Variants in SLC25A28 observed in about 807,000 individuals in gnomAD.
SLC25A28 encodes solute carrier family 25 member 28, also known as mitoferrin-2.
A neutral mutation model predicts 31.9 loss-of-function variants in SLC25A28; 10 were observed. That is an observed-to-expected ratio of 0.31 (90% CI 0.19 to 0.53). The LOEUF (loss-of-function observed/expected upper bound fraction) is 0.53, where lower values mean the gene tolerates loss of function less well. SLC25A28 is among the 20% of genes least tolerant of loss of function. The pLI, the probability that SLC25A28 is intolerant of heterozygous loss-of-function variation, is 0.95. For missense variants in SLC25A28, 256 were observed against 490.3 expected (o/e 0.52, Z 4.51); for synonymous variants, 208 against 203.6 (o/e 1.02, Z -0.19).
At chr10:99,648,947 A>T in the SLC25A28 span, among the ~76,000 whole-genome samples, 2 of 151,974 alleles carry the variant, frequency 1.3e-5, no homozygotes, top group African/African-American at 4.8e-5. Flanking sequence ...GATGCCTTTT[A>T]TTTTTTTCTC....
the SLC25A28 span, among the ~76,000 whole-genome samples, chr10:99,646,097 A>C: frequency 6.6e-6 from 1 of 152,214 alleles, no homozygotes; most frequent in Non-Finnish European, 1.5e-5. Context: ...TCTGTCAGAC[A>C]GGGACGTTTA....
rs1401719707 is a variant in SLC25A28, at chr10:99,620,281, G to A, written c.55C>T (p.Pro19Ser). ...GCCGACTCCCCGGGGCTCCGCCCGG[G>A]CCCTGCCGCCGGCCCCCCCGCCACA... ...GGVAGGPAAG[P>S]GRSPGESALL... Residue 19 changes from proline (P) to serine (S), a missense_variant, in exon 1 of 4, where the codon CCC (proline) becomes TCC (serine). By Grantham distance (74) the Pro-to-Ser change is moderately conservative. Around this residue, in one of 4 missense-constraint regions of SLC25A28, gnomAD observed 47 missense variants for 41.4 expected, o/e 1.14. Coordinates refer to ENST00000370495, the MANE Select transcript of SLC25A28 (RefSeq NM_031212.4). 41 of 1,194,632 alleles carry A rather than the reference G, an allele frequency of 3.4e-5. No homozygotes were observed. The highest frequency in any genetic ancestry group is 4.1e-5 in the Non-Finnish European group (40 of 964,328). 74.0% of individuals were successfully genotyped at this position (1,194,632 alleles called of 1,614,324 possible).
At chr10:99,623,397 G>A (rs1369112634), upstream of SLC25A28, among the ~76,000 whole-genome samples, 1 of 152,164 alleles carries the variant, frequency 6.6e-6, no homozygotes, top group African/African-American at 2.4e-5. Context: ...CGTTTTCCAT[G>A]AAAGTCTTCA....
At chr10:99,629,357 G>A in the SLC25A28 span, among the ~76,000 whole-genome samples, 1,880 of 152,138 alleles carry the variant, frequency 0.012, 48 homozygotes, top group African/African-American at 0.043. Flanking sequence ...GCACAACTAT[G>A]AGCCAAAAAA....
the SLC25A28 span, among the ~76,000 whole-genome samples, chr10:99,645,751 C>T: frequency 1.4e-5 from 2 of 141,286 alleles, no homozygotes; most frequent in African/African-American, 4.9e-5. Flanking sequence ...TGTGGATGTC[C>T]TTTCTGTTTG....
At position 99,610,625 on chromosome 10, in the gene SLC25A28, A is replaced by G; in HGVS notation, c.*224T>C. On this transcript the variant is annotated 3_prime_UTR_variant, in exon 4 of 4. Transcript: ENST00000370495. Reference sequence around the variant, plus strand: ...GGCCCAGGATGGAGAGAGGTTATCAAAGGTGCTGTGGTGTGCTTTGCTGCA... The same window carrying G: ...GGCCCAGGATGGAGAGAGGTTATCAGAGGTGCTGTGGTGTGCTTTGCTGCA... 1 of 571,862 alleles carries G rather than the reference A, an allele frequency of 1.7e-6. No individual in the cohort carries two copies. The highest frequency in any genetic ancestry group is 4.7e-4 in the Middle Eastern group (1 of 2,124). The allele number at this position is 571,862 out of a possible 1,614,324, so 35.4% of individuals were successfully genotyped here. A position where few individuals can be genotyped will look rare whatever the true frequency, so the allele number is the denominator to read the frequency against.
chr10:99,634,482 A>G, the SLC25A28 span, among the ~76,000 whole-genome samples: 1 of 152,256 alleles, frequency 6.6e-6, no homozygotes, highest in South Asian at 2.1e-4. Context: ...GAACACACTT[A>G]TAGAAATGTA....
At chr10:99,623,076 C>G (rs2034824480), upstream of SLC25A28, among the ~76,000 whole-genome samples, 1 of 152,156 alleles carries the variant, frequency 6.6e-6, no homozygotes, top group Admixed American at 6.5e-5. Context: ...CAAGGAAGGC[C>G]TTTCTGAGGA....
chr10:99,626,795 T>A, the SLC25A28 span, among the ~76,000 whole-genome samples: 3 of 145,212 alleles, frequency 2.1e-5, no homozygotes, highest in Admixed American at 7.0e-5. Flanking sequence ...TTTTTTTTTT[T>A]AATTTGTAAT....
chr10:99,648,775 C>G, the SLC25A28 span, among the ~76,000 whole-genome samples: 1 of 147,088 alleles, frequency 6.8e-6, no homozygotes, highest in African/African-American at 2.5e-5. Flanking sequence ...TATAGAAACA[C>G]TACTGATTTC....
At chr10:99,658,690 T>C in the SLC25A28 span, among the ~76,000 whole-genome samples, 2 of 151,900 alleles carry the variant, frequency 1.3e-5, no homozygotes, top group African/African-American at 2.4e-5. Context: ...GGAAGGCAAG[T>C]AGCGGCAGAG....
chr10:99,650,062 A>G, the SLC25A28 span, among the ~76,000 whole-genome samples: 1 of 152,216 alleles, frequency 6.6e-6, no homozygotes, highest in Non-Finnish European at 1.5e-5. Flanking sequence ...TTTTGGATAT[A>G]TATATTTAAT....
At chr10:99,628,187 C>T in the SLC25A28 span, among the ~76,000 whole-genome samples, 3 of 152,158 alleles carry the variant, frequency 2.0e-5, no homozygotes, top group East Asian at 3.8e-4. Flanking sequence ...GTAAGACTTA[C>T]AATTTTTATT....
the SLC25A28 span, among the ~76,000 whole-genome samples, chr10:99,647,806 A>G: frequency 1.3e-5 from 2 of 152,172 alleles, no homozygotes; most frequent in Admixed American, 6.5e-5. Flanking sequence ...TTAGGTCTTT[A>G]ATCCATCTTG....
chr10:99,616,268 C>G lies in SLC25A28; in HGVS notation c.292-2344G>C, dbSNP rs546324436. The G allele has an allele frequency of 2.2e-5, 20 of 921,876 alleles. 1 individual carries two copies. The South Asian group carries it at 8.5e-4, about 39-fold the overall frequency. The allele number at this position is 921,876 out of a possible 1,614,324, so 57.1% of individuals were successfully genotyped here. On this transcript the variant is annotated intron_variant, in intron 1 of 3. Transcript: ENST00000370495. The stretch of plus-strand genomic sequence containing the variant: ...AGCCTGAGTCTGAGCCTCAGCTTTG[C>G]TAGTTGTGTGATCTTGGGTATGTCA...
chr10:99,655,605 T>G, the SLC25A28 span, among the ~76,000 whole-genome samples: 3 of 152,210 alleles, frequency 2.0e-5, no homozygotes, highest in African/African-American at 7.2e-5. Context: ...GTATCGTTTT[T>G]TTCTTTCAAT....
the SLC25A28 span, among the ~76,000 whole-genome samples, chr10:99,648,720 A>T: frequency 7.6e-6 from 1 of 130,744 alleles, no homozygotes; most frequent in Non-Finnish European, 1.6e-5. Flanking sequence ...TATTGTAAAT[A>T]GGATTGCCTT....
chr10:99,623,713 A>G (rs1157062629), upstream of SLC25A28, among the ~76,000 whole-genome samples: 1 of 152,176 alleles, frequency 6.6e-6, no homozygotes, highest in Non-Finnish European at 1.5e-5. Flanking sequence ...ATACGAGGGA[A>G]GCACAAGAGT....
chr10:99,636,212 A>G, the SLC25A28 span, among the ~76,000 whole-genome samples: 127,844 of 152,202 alleles, frequency 0.84, 53,945 homozygotes, highest in Middle Eastern at 0.91. Context: ...AAGATAGACC[A>G]TATGATAGGC....
Sources: allele counts gnomAD v4.1 joint callset (sites outside exome capture counted in the v4.1 genomes callset), GRCh38; gene constraint gnomAD v4.1.1; regional missense constraint gnomAD v4.1.1; transcripts MANE v1.5; gene names NCBI Gene and HGNC (gene_info 2026-07-23, HGNC 2026-07-21).